Variants in LGSN observed in about 807,000 individuals in gnomAD.
The protein encoded by LGSN is lengsin, lens protein with glutamine synthetase domain, also known as lengsin.
LGSN carries 21 observed loss-of-function variants against 19.5 expected under a neutral mutation model. That is an observed-to-expected ratio of 1.07 (90% confidence interval 0.76 to 1.55). The LOEUF (loss-of-function observed/expected upper bound fraction) is 1.55, where lower values mean the gene tolerates loss of function less well. Among genes scored for constraint, LGSN ranks in the 40% most tolerant of loss-of-function variants. The pLI is 0.00. For missense variants in LGSN, 673 were observed against 608.5 expected (o/e 1.11, Z -1.12); for synonymous variants, 257 against 215.6 (o/e 1.19, Z -1.68).
the LGSN span, among the ~76,000 whole-genome samples, chr6:63,451,089 G>A: frequency 6.6e-6 from 1 of 152,052 alleles, no homozygotes; most frequent in Non-Finnish European, 1.5e-5. Context: ...TTAAAAAACA[G>A]CTAAATGAAA....
the LGSN span, among the ~76,000 whole-genome samples, chr6:63,337,212 T>G: frequency 6.6e-6 from 1 of 151,958 alleles, no homozygotes; most frequent in Admixed American, 6.6e-5. Context: ...TGTGAGCCAC[T>G]GTGCCTGGCC....
chr6:63,404,206 G>C, the LGSN span, among the ~76,000 whole-genome samples: 4 of 152,086 alleles, frequency 2.6e-5, no homozygotes, highest in African/African-American at 9.7e-5. Flanking sequence ...TGTGTTTTAA[G>C]CCACTAAGTT....
At chr6:63,491,221 C>T in the LGSN span, among the ~76,000 whole-genome samples, 1 of 152,188 alleles carries the variant, frequency 6.6e-6, no homozygotes, top group Non-Finnish European at 1.5e-5. Flanking sequence ...GTCACCAAGA[C>T]CCCAGATCTT....
chr6:63,499,071 G>A, the LGSN span, among the ~76,000 whole-genome samples: 1 of 152,078 alleles, frequency 6.6e-6, no homozygotes, highest in African/African-American at 2.4e-5. Flanking sequence ...AAGTGAATCT[G>A]CTTTGTGTAT....
At position 63,289,700 on chromosome 6, in the gene LGSN, G is replaced by A. The variant is rs548060075; in HGVS notation, c.164-3947C>T. ...AATTTTGTTTGTGTTCAGTGACAAT[G>A]AGGACATATATCAGTTATATATAGA... On this transcript the variant is annotated intron_variant, in intron 2 of 3. Coordinates refer to ENST00000370657, the MANE Select transcript of LGSN (RefSeq NM_016571.3). 4.6e-5 allele frequency among the ~76,000 whole-genome samples: 7 copies of A among 152,142 alleles called. 1 individual carries two copies. In the South Asian group the frequency reaches 1.2e-3, roughly 27 times the overall value.
chr6:63,377,866 A>ATCGTG, the LGSN span, among the ~76,000 whole-genome samples: 1 of 147,276 alleles, frequency 6.8e-6, no homozygotes. Flanking sequence ...GTGAGCCGAG[A>ATCGTG]TCGTGCCATT....
At chr6:63,512,182 A>C in the LGSN span, among the ~76,000 whole-genome samples, 3 of 152,016 alleles carry the variant, frequency 2.0e-5, no homozygotes, top group Non-Finnish European at 4.4e-5. Context: ...TCCTGGGTTC[A>C]AGCGATTCTC....
At chr6:63,542,253 G>A in the LGSN span, among the ~76,000 whole-genome samples, 73 of 152,122 alleles carry the variant, frequency 4.8e-4, no homozygotes, top group African/African-American at 1.7e-3. Flanking sequence ...ATGACACAAT[G>A]GACTTTGGGG....
chr6:63,525,835 G>C, the LGSN span, among the ~76,000 whole-genome samples: 1 of 152,126 alleles, frequency 6.6e-6, no homozygotes, highest in East Asian at 1.9e-4. Context: ...TAAAATAGTT[G>C]GTGTGGTTTC....
the LGSN span, among the ~76,000 whole-genome samples, chr6:63,487,355 AG>A: frequency 6.6e-6 from 1 of 152,176 alleles, no homozygotes; most frequent in Non-Finnish European, 1.5e-5. Context: ...GTCTCCAAGG[AG>A]GGAGGGAAAC....
the LGSN span, among the ~76,000 whole-genome samples, chr6:63,562,712 A>C: frequency 1.3e-5 from 2 of 152,228 alleles, no homozygotes; most frequent in Non-Finnish European, 2.9e-5. Context: ...TAATCTATCA[A>C]GAGTTTAATT....
At chr6:63,518,154 CAAAAAA>C in the LGSN span, among the ~76,000 whole-genome samples, 2 of 62,106 alleles carry the variant, frequency 3.2e-5, no homozygotes, top group African/African-American at 4.9e-5. Context: ...ACTCCGTCTC[CAAAAAA>C]AAAAAAAAAA....
At chr6:63,372,088 ATTTTGTGACTACAAAGTCTCTGCTT>A in the LGSN span, among the ~76,000 whole-genome samples, 3 of 152,202 alleles carry the variant, frequency 2.0e-5, no homozygotes, top group Non-Finnish European at 4.4e-5. Context: ...TAAATAGGCT[ATTTTGTGACTACAAAGTCTCTGCTT>A]ATGCTACTAC....
At chr6:63,399,525 G>A in the LGSN span, among the ~76,000 whole-genome samples, 1 of 151,538 alleles carries the variant, frequency 6.6e-6, no homozygotes, top group South Asian at 2.1e-4. Context: ...CTCCTGAGTA[G>A]CTGGGATTAC....
chr6:63,325,029 G>A, the LGSN span, among the ~76,000 whole-genome samples: 1 of 150,676 alleles, frequency 6.6e-6, no homozygotes, highest in Non-Finnish European at 1.5e-5. Flanking sequence ...TCTTGAACCT[G>A]GGAGGCAGAG....
chr6:63,517,921 G>A, the LGSN span, among the ~76,000 whole-genome samples: 15 of 152,222 alleles, frequency 9.9e-5, no homozygotes, highest in South Asian at 3.1e-3. Context: ...TGGGAGTCCA[G>A]GCAAGTGGAT....
the LGSN span, among the ~76,000 whole-genome samples, chr6:63,362,442 G>A: frequency 3.0e-3 from 464 of 152,266 alleles, no homozygotes; most frequent in Non-Finnish European, 5.1e-3. Flanking sequence ...ATTCCCTTTC[G>A]TAGCCAAGGG....
At chr6:63,318,835 G>A (rs892163659) in intron 1 of LGSN, among the ~76,000 whole-genome samples, 1 of 152,134 alleles carries the variant, frequency 6.6e-6, no homozygotes, top group Non-Finnish European at 1.5e-5. Context: ...AAGTTACATA[G>A]TTAGAAATCA....
the LGSN span, among the ~76,000 whole-genome samples, chr6:63,539,199 A>G: frequency 6.6e-6 from 1 of 152,130 alleles, no homozygotes; most frequent in African/African-American, 2.4e-5. Flanking sequence ...TGGCCTGTAA[A>G]GTACTGATTT....
Sources: gnomAD v4.1 joint callset for allele counts (sites outside exome capture counted in the v4.1 genomes callset) on GRCh38, gnomAD v4.1.1 for gene constraint, MANE v1.5 for transcripts, NCBI Gene and HGNC (gene_info 2026-07-23, HGNC 2026-07-21) for gene names.